Variants in ZNF160 observed in about 807,000 individuals in gnomAD.
ZNF160 encodes zinc finger protein 160, also known as KRAB zinc finger protein KR18.
ZNF160 carries 9 observed loss-of-function variants against 13.1 expected under a neutral mutation model. The observed-to-expected ratio is 0.69, with a 90% confidence interval of 0.41 to 1.20. The LOEUF is 1.20. Among genes scored for constraint, ZNF160 ranks in the 50% most tolerant of loss-of-function variants. ZNF160 has a pLI of 0.01. For synonymous variants in ZNF160, 293 were observed against 333.2 expected (o/e 0.88, Z 1.31); for missense variants, 838 against 988.0 (o/e 0.85, Z 2.04).
chr19:53,095,613 C>T (rs1277844294), intron 1 of ZNF160: 4 of 152,066 alleles, frequency 2.6e-5, no homozygotes, highest in African/African-American at 4.8e-5. Context: ...CCCAGCTGTC[C>T]GCAGGTTTGT....
At chr19:53,075,218 G>C (rs748552719) in intron 3 of ZNF160, 35 bp from the exon 4 acceptor site, 2 of 1,606,684 alleles carry the variant, frequency 1.2e-6, no homozygotes, top group South Asian at 1.1e-5. Context: ...AAGTGGCTAA[G>C]GGGAGAGTTC....
rs182464951 is a variant in ZNF160 at position 53,075,385 on chromosome 19, T to C, written c.16-202A>G. 1.2e-4 allele frequency: 68 copies of C among 590,822 alleles called. No homozygotes were observed. In the East Asian group the frequency reaches 2.1e-3, roughly 18 times the overall value. The allele number at this position is 590,822 out of a possible 1,614,324, so 36.6% of individuals were successfully genotyped here. A position where few individuals can be genotyped will look rare whatever the true frequency, so the allele number is the denominator to read the frequency against. ...AGCTCACTTGAAATCAGTGGAGTGA[T>C]AAGTATCTTTTTGTACATTAATGGG... On this transcript the variant is annotated intron_variant, in intron 3 of 5. Coordinates refer to ENST00000683776, the MANE Select transcript of ZNF160 (RefSeq NM_001322131.2).
rs191154774 is a variant in ZNF160, at chr19:53,086,141, G to A, written c.15+121C>T. ...GAGATGAGAGGGACTGAGGGAAGGC[G>A]CGGGTGAGTGCTAGCAAACATGTCA... is the stretch of plus-strand genomic sequence containing the variant. On this transcript the variant is annotated intron_variant, in intron 3 of 5. Transcript: ENST00000683776. The A allele has an allele frequency of 1.5e-4, 205 of 1,328,974 alleles. 1 individual carries two copies. In the African/African-American group the frequency reaches 2.6e-3, roughly 17 times the overall value. The allele number at this position is 1,328,974 out of a possible 1,614,324, so 82.3% of individuals were successfully genotyped here.
chr19:53,070,043 C>G lies in ZNF160; in HGVS notation c.491G>C (p.Arg164Thr), dbSNP rs150993287. ...TATGTCTCTTCTGTCGCGTTGATCT[C>G]TTTTACCTTCTTTCTGGGCCATAAG... is the stretch of plus-strand genomic sequence containing the variant. ...GVLMAQKEGK[R>T]DQRDRRDIEN... is the part of the protein sequence containing the mutation. The change falls in exon 6 of 6, where the codon AGA becomes ACA. Residue 164 changes from arginine to threonine, a missense_variant. This residue lies in a region of ZNF160 where 387 missense variants were observed against 402.3 expected (regional missense o/e 0.96). Transcript: ENST00000683776. The G allele has an allele frequency of 6.2e-7, 1 of 1,614,088 alleles. No individual in the cohort carries two copies. Among genetic ancestry groups the G allele is most frequent in the Non-Finnish European group, 8.5e-7 (1 of 1,179,984 alleles).
At chr19:53,095,182 C>G (rs1376526871) in intron 1 of ZNF160, among the ~76,000 whole-genome samples, 1 of 140,548 alleles carries the variant, frequency 7.1e-6, no homozygotes, top group Non-Finnish European at 1.5e-5. Flanking sequence ...TCCCCACTGC[C>G]CAGGCCCCGC....
intron 1 of ZNF160, among the ~76,000 whole-genome samples, chr19:53,094,792 A>G (rs1432536590): frequency 1.3e-5 from 2 of 152,202 alleles, no homozygotes; most frequent in South Asian, 4.1e-4. Context: ...GCTAATTTCA[A>G]TTAGCTGAAA....
intron 1 of ZNF160, among the ~76,000 whole-genome samples, chr19:53,099,448 G>A (rs1387668795): frequency 2.0e-5 from 3 of 152,212 alleles, no homozygotes; most frequent in Non-Finnish European, 2.9e-5. Context: ...ACGCAGGGCT[G>A]TGGAGCCACA....
chr19:53,084,217 C>G (rs1310497667), intron 3 of ZNF160, among the ~76,000 whole-genome samples: 1 of 152,254 alleles, frequency 6.6e-6, no homozygotes, highest in Non-Finnish European at 1.5e-5. Flanking sequence ...CCAGCTCAAC[C>G]CCCTGGTACG....
chr19:53,074,906 G>C, intron 4 of ZNF160, 151 bp downstream of exon 4: 3 of 1,015,106 alleles, frequency 3.0e-6, no homozygotes, highest in African/African-American at 1.6e-5. Context: ...GAAGATTAAA[G>C]TCCAGGTTTC....
chr19:53,080,886 G>A (rs910204862), intron 3 of ZNF160, among the ~76,000 whole-genome samples: 7 of 152,042 alleles, frequency 4.6e-5, no homozygotes, highest in Admixed American at 1.3e-4. Context: ...TATACCAATG[G>A]AATAGAACAG....
At chr19:53,073,612 A>G in intron 5 of ZNF160, 1 of 1,388,136 alleles carries the variant, frequency 7.2e-7, no homozygotes. Flanking sequence ...AGAACTGAGC[A>G]CCATATGGAA....
At chr19:53,071,144 C>T (rs903145726) in intron 5 of ZNF160, among the ~76,000 whole-genome samples, 3 of 151,920 alleles carry the variant, frequency 2.0e-5, no homozygotes, top group Non-Finnish European at 4.4e-5. Flanking sequence ...TGCAGTGAGC[C>T]GAGATCGTGC....
chr19:53,089,905 T>C lies in ZNF160; in HGVS notation c.-46+1508A>G, dbSNP rs2084971412. 1.3e-5 allele frequency among the ~76,000 whole-genome samples: 2 copies of C among 151,592 alleles called. 1 individual carries two copies. Among genetic ancestry groups the C allele is most frequent in the South Asian group, 4.2e-4 (2 of 4,716 alleles). On this transcript the variant is annotated intron_variant, in intron 2 of 5. Coordinates refer to ENST00000683776, the MANE Select transcript of ZNF160 (RefSeq NM_001322131.2). ...GCTCTTTCTCCCCTTCTTCCCTCCATTCCTTCTCTTCCCCCTGTTCTGCTC... is the reference window on the plus strand; with the variant it reads ...GCTCTTTCTCCCCTTCTTCCCTCCACTCCTTCTCTTCCCCCTGTTCTGCTC...
Position 53,068,059 on chromosome 19 carries a change from CTAA to C in ZNF160, c.*15_*17del. On this transcript the variant is annotated 3_prime_UTR_variant, in exon 6 of 6. Transcript: ENST00000683776. ...CTGATGTGAAAGGAGTGAATTGTAC[CTAA>C]TGACCTCACCACACTCATTTGTAAG... 1.3e-6 allele frequency: 2 copies of C among 1,578,410 alleles called. No individual in the cohort carries two copies. Among genetic ancestry groups the C allele is most frequent in the Non-Finnish European group, 1.7e-6 (2 of 1,162,048 alleles).
Position 53,069,198 on chromosome 19 carries a change from C to G in ZNF160, c.1336G>C (p.Val446Leu). The G allele has an allele frequency of 6.2e-7, 1 of 1,613,466 alleles. No homozygotes were observed. The highest frequency in any genetic ancestry group is 8.5e-7 in the Non-Finnish European group (1 of 1,179,754). Residue 446 changes from valine (V) to leucine (L), a missense_variant, in exon 6 of 6, where the codon GTT becomes CTT. Physicochemically the swap from Val to Leu is conservative, Grantham distance 32. Coordinates refer to ENST00000683776, the MANE Select transcript of ZNF160 (RefSeq NM_001322131.2). The surrounding 1 kb of genome is among the most constrained non-coding windows in gnomAD (Gnocchi z 4.4). ...TTGTAAGGTTTCTCACCAGTATGAACTCTCCGATGCCTTCCGAGGTATGAA... is the reference window on the plus strand; with the variant it reads ...TTGTAAGGTTTCTCACCAGTATGAAGTCTCCGATGCCTTCCGAGGTATGAA... ...YNSYLGRHRR[V>L]HTGEKPYKCN... is the part of the protein sequence containing the mutation.
chr19:53,098,362 ACTGGATTGAAAGGCCT>A (rs2085313112), intron 1 of ZNF160, among the ~76,000 whole-genome samples: 1 of 152,110 alleles, frequency 6.6e-6, no homozygotes, highest in South Asian at 2.1e-4. Context: ...TGAGAAGCAC[ACTGGATTGAAAGGCCT>A]CTGGACACAA....
At chr19:53,074,396 G>C (rs958564110) in intron 4 of ZNF160, 128 bp from the exon 5 acceptor site, 2 of 1,423,732 alleles carry the variant, frequency 1.4e-6, no homozygotes, top group South Asian at 3.0e-5. Context: ...GGCCAGGCGC[G>C]GTGGCTCATG....
At chr19:53,073,402 A>G in intron 5 of ZNF160, 10 of 1,598,426 alleles carry the variant, frequency 6.3e-6, no homozygotes, top group Non-Finnish European at 8.5e-6. Context: ...GAATGGAAGA[A>G]ATGGCCGAGG....
At chr19:53,084,839 C>G (rs1435187436) in intron 3 of ZNF160, 3 of 151,976 alleles carry the variant, frequency 2.0e-5, no homozygotes, top group African/African-American at 7.3e-5. Flanking sequence ...CCAGATCTAG[C>G]AACACAGGAA....
Sources: allele counts gnomAD v4.1 joint callset (sites outside exome capture counted in the v4.1 genomes callset), GRCh38; gene constraint gnomAD v4.1.1; regional missense constraint gnomAD v4.1.1; non-coding constraint Gnocchi (gnomAD v3.1); transcripts MANE v1.5; gene names NCBI Gene and HGNC (gene_info 2026-07-23, HGNC 2026-07-21).